Variants in AKAP13 observed in about 807,000 individuals in gnomAD.
AKAP13 encodes A-kinase anchor protein 13.
AKAP13 carries 80 observed loss-of-function variants against 264.5 expected under a neutral mutation model. The ratio of observed to expected loss-of-function variants is 0.30; its 90% CI spans 0.25 to 0.36. The LOEUF (loss-of-function observed/expected upper bound fraction) is 0.36. Among genes scored for constraint, AKAP13 ranks in the 10% least tolerant of loss-of-function variants. The pLI is 1.00. For synonymous variants in AKAP13, 1,380 were observed against 1,250.2 expected (o/e 1.10, Z -2.19); for missense variants, 3,712 against 3,435.2 (o/e 1.08, Z -2.01).
intron 7 of AKAP13, among the ~76,000 whole-genome samples, chr15:85,583,870 G>A (rs1596601887): frequency 6.6e-6 from 1 of 152,340 alleles, no homozygotes; most frequent in East Asian, 1.9e-4. Context: ...ACTTTCAGCA[G>A]TATATATGGG....
rs139141195 is a variant in AKAP13 at position 85,387,980 on chromosome 15, G to A, written c.-12+7182G>A. 1.7e-3 allele frequency among the ~76,000 whole-genome samples: 254 copies of A among 150,982 alleles called. 2 individuals carry two copies. The highest frequency in any genetic ancestry group is 5.9e-3 in the African/African-American group (245 of 41,192). On this transcript the variant is annotated intron_variant, in intron 1 of 36. Transcript: ENST00000394518. Reference sequence around the variant, plus strand: ...TGGAATTTTCTGCATAGACATTATTGTCATTGGCAAATAAGGGCAGTTTGA... The same window carrying A: ...TGGAATTTTCTGCATAGACATTATTATCATTGGCAAATAAGGGCAGTTTGA...
rs549903529 is a variant in AKAP13, at chr15:85,389,660, G to C, written c.-12+8862G>C. On this transcript the variant is annotated intron_variant, in intron 1 of 36. Transcript: ENST00000394518. ...AGTATTTGTTGACTATCTTCTGACA[G>C]TAGCTCAGCCATTGCTTTGTGGGAA... Among the ~76,000 whole-genome samples, 7 of 152,358 alleles carry C rather than the reference G, an allele frequency of 4.6e-5. 1 individual carries two copies. The South Asian group carries it at 1.2e-3, about 27-fold the overall frequency.
intron 35 of AKAP13, among the ~76,000 whole-genome samples, chr15:85,742,534 C>T (rs1307004190): frequency 2.6e-5 from 4 of 152,214 alleles, no homozygotes; most frequent in Non-Finnish European, 5.9e-5. Flanking sequence ...GATATTCTTG[C>T]TTGGGGATGT....
intron 8 of AKAP13, among the ~76,000 whole-genome samples, chr15:85,627,032 G>A (rs888329064): frequency 1.3e-5 from 2 of 152,106 alleles, no homozygotes; most frequent in African/African-American, 2.4e-5. Flanking sequence ...GTGTTTGTAA[G>A]AAGCCAGCAA....
chr15:85,718,488 A>G lies in AKAP13; in HGVS notation c.6001+329A>G, dbSNP rs1051725016. Among the ~76,000 whole-genome samples, 2 of 152,242 alleles carry G rather than the reference A, an allele frequency of 1.3e-5. No homozygotes were observed. Among genetic ancestry groups the G allele is most frequent in the African/African-American group, 4.8e-5 (2 of 41,458 alleles). On this transcript the variant is annotated intron_variant, in intron 22 of 36. Transcript: ENST00000394518. The surrounding 1 kb of genome is among the most constrained non-coding windows in gnomAD (Gnocchi z 4.9). ...AGTCATTTCTGAGAACTGGGTATAC[A>G]GTCAGTTACGACAGGTGCTGAATCC...
intron 10 of AKAP13, among the ~76,000 whole-genome samples, chr15:85,652,110 A>G (rs1342632557): frequency 6.6e-6 from 1 of 152,242 alleles, no homozygotes; most frequent in Non-Finnish European, 1.5e-5. Flanking sequence ...AGTTTCAGTG[A>G]GATCAGAGTT....
intron 5 of AKAP13, among the ~76,000 whole-genome samples, chr15:85,561,365 A>G (rs1226352600): frequency 2.0e-5 from 3 of 152,156 alleles, no homozygotes; most frequent in African/African-American, 7.2e-5. Context: ...GCCTCTGGAC[A>G]TAAGGATTTT....
Position 85,574,513 on chromosome 15 carries a change from G to A in AKAP13, c.663-618G>A, listed in dbSNP as rs558950208. Among the ~76,000 whole-genome samples the A allele has an allele frequency of 1.4e-3, 217 of 152,254 alleles. 2 individuals are homozygous for A. The highest frequency in any genetic ancestry group is 4.7e-3 in the African/African-American group (197 of 41,560). On this transcript the variant is annotated intron_variant, in intron 5 of 36. Coordinates refer to ENST00000394518, the MANE Select transcript of AKAP13 (RefSeq NM_007200.5). ...AACTTGCTTGTTTTTTAAATTTTAC[G>A]AATTTTAACTTTAAGTTCTTGGAAC...
At chr15:85,604,743 C>A (rs908890052) in intron 8 of AKAP13, among the ~76,000 whole-genome samples, 1 of 151,052 alleles carries the variant, frequency 6.6e-6, no homozygotes, top group Non-Finnish European at 1.5e-5. Context: ...GGATTACAGG[C>A]ATGAACTGCT....
intron 12 of AKAP13, among the ~76,000 whole-genome samples, chr15:85,663,355 G>C (rs1019352528): frequency 2.0e-5 from 3 of 151,478 alleles, no homozygotes; most frequent in African/African-American, 7.3e-5. Context: ...GGTTTACAGA[G>C]TCATTTACTT....
At chr15:85,543,326 A>G (rs2077631550) in intron 4 of AKAP13, among the ~76,000 whole-genome samples, 1 of 152,216 alleles carries the variant, frequency 6.6e-6, no homozygotes, top group South Asian at 2.1e-4. Context: ...AAAAGTAATT[A>G]TACCATTTAT....
In AKAP13 at chr15:85,435,423, C is replaced by T. The variant is rs1325948611; in HGVS notation, c.-11-50287C>T. 5.5e-4 allele frequency among the ~76,000 whole-genome samples: 64 copies of T among 116,412 alleles called. 1 individual carries two copies. The highest frequency in any genetic ancestry group is 2.2e-3 in the African/African-American group (63 of 29,298). The allele number at this position is 116,412 out of a possible 152,430, so 76.4% of individuals were successfully genotyped here. ...TATTATCCAGGAGAACTTCCCCAAT[C>T]TAGCAAGGCAGGCCAACGTTCAGAT... is the stretch of plus-strand genomic sequence containing the variant. On this transcript the variant is annotated intron_variant, in intron 1 of 36. Transcript: ENST00000394518.
intron 18 of AKAP13, 35 bp from the exon 19 acceptor site, chr15:85,710,544 T>G (rs775678636): frequency 5.6e-6 from 9 of 1,605,244 alleles, no homozygotes; most frequent in African/African-American, 1.3e-5. Flanking sequence ...TTGTCAGAGG[T>G]GAATTGTCAA....
At chr15:85,440,055 A>T (rs1423608594) in intron 1 of AKAP13, among the ~76,000 whole-genome samples, 1 of 152,172 alleles carries the variant, frequency 6.6e-6, no homozygotes, top group Non-Finnish European at 1.5e-5. Flanking sequence ...ACTGTAAAGG[A>T]AAAAGAACAC....
At chr15:85,684,229 G>C (rs550558466) in intron 15 of AKAP13, among the ~76,000 whole-genome samples, 1 of 152,256 alleles carries the variant, frequency 6.6e-6, no homozygotes, top group African/African-American at 2.4e-5. Flanking sequence ...ATAATTGACA[G>C]GCTCTTTTTA....
rs115840136 is a variant in AKAP13 at position 85,426,179 on chromosome 15, T to G, written c.-12+45381T>G. ...TGGAAATCTTCTTTAAAATATTTTATATTGGTTTAGTCATTAATACTAATG... is the reference window on the plus strand; with the variant it reads ...TGGAAATCTTCTTTAAAATATTTTAGATTGGTTTAGTCATTAATACTAATG... On this transcript the variant is annotated intron_variant, in intron 1 of 36. Coordinates refer to ENST00000394518, the MANE Select transcript of AKAP13 (RefSeq NM_007200.5). Among the ~76,000 whole-genome samples the G allele has an allele frequency of 6.7e-3, 1,015 of 152,338 alleles. 19 individuals are homozygous for G. Among genetic ancestry groups the G allele is most frequent in the African/African-American group, 0.023 (955 of 41,586 alleles).
intron 17 of AKAP13, among the ~76,000 whole-genome samples, chr15:85,706,025 A>G (rs2086229594): frequency 6.6e-6 from 1 of 152,204 alleles, no homozygotes; most frequent in African/African-American, 2.4e-5. Context: ...CTAATCATTG[A>G]CTTTGCCTTT....
intron 3 of AKAP13, among the ~76,000 whole-genome samples, chr15:85,531,001 A>G (rs997473582): frequency 6.6e-6 from 1 of 152,118 alleles, no homozygotes; most frequent in African/African-American, 2.4e-5. Context: ...CAGCCTCCCT[A>G]GTAGCTGGGA....
At chr15:85,505,487 A>T (rs1351230011) in intron 2 of AKAP13, among the ~76,000 whole-genome samples, 1 of 152,230 alleles carries the variant, frequency 6.6e-6, no homozygotes, top group Non-Finnish European at 1.5e-5. Context: ...AAGACAGGTT[A>T]TAGGGATTTC....
Sources: gnomAD v4.1 joint callset for allele counts (sites outside exome capture counted in the v4.1 genomes callset) on GRCh38, gnomAD v4.1.1 for gene constraint, Gnocchi (gnomAD v3.1) non-coding constraint, MANE v1.5 for transcripts, NCBI Gene and HGNC (gene_info 2026-07-23, HGNC 2026-07-21) for gene names.